DOCK8: variants seen among roughly 807,000 people sequenced by gnomAD.
DOCK8 encodes the protein dedicator of cytokinesis 8.
DOCK8 carries 141 observed loss-of-function variants against 245.6 expected under a neutral mutation model. The ratio of observed to expected loss-of-function variants is 0.57; its 90% confidence interval spans 0.50 to 0.66. DOCK8 has a LOEUF of 0.66. DOCK8 is among the 30% of genes least tolerant of loss of function. DOCK8 has a pLI of 0.00. For synonymous variants in DOCK8, 1,168 were observed against 970.2 expected (o/e 1.20, Z -3.79); for missense variants, 2,965 against 2,603.4 (o/e 1.14, Z -3.02).
intron 6 of DOCK8, 47 bp from the exon 7 acceptor site, chr9:316,996 C>G: frequency 6.9e-7 from 1 of 1,447,192 alleles, no homozygotes; most frequent in Non-Finnish European, 9.7e-7. Context: ...AATTGGAGCT[C>G]CCCACAGAAT....
At chr9:216,096 T>C (rs2046744968) in intron 1 of DOCK8, among the ~76,000 whole-genome samples, 1 of 152,200 alleles carries the variant, frequency 6.6e-6, no homozygotes, top group Non-Finnish European at 1.5e-5. Context: ...TATCGAGCTT[T>C]ATTGACGATT....
At chr9:445,879 G>T (rs992154000) in intron 43 of DOCK8, among the ~76,000 whole-genome samples, 2 of 152,164 alleles carry the variant, frequency 1.3e-5, no homozygotes, top group African/African-American at 2.4e-5. Context: ...ATAAGAGACC[G>T]CCAGCTTCTT....
At chr9:388,393 C>G (rs193025253) in intron 23 of DOCK8, among the ~76,000 whole-genome samples, 1 of 152,322 alleles carries the variant, frequency 6.6e-6, no homozygotes, top group East Asian at 1.9e-4. Flanking sequence ...TTCTCCATTC[C>G]TCACCACTAA....
intron 4 of DOCK8, 129 bp from the exon 5 acceptor site, chr9:304,452 A>G: frequency 8.2e-7 from 1 of 1,218,094 alleles, no homozygotes; most frequent in Non-Finnish European, 1.2e-6. Flanking sequence ...AGGAATTATA[A>G]TTGGTTCCCT....
At chr9:396,729 T>C (rs756237090) in intron 24 of DOCK8, 56 bp from the exon 25 acceptor site, 1 of 1,608,712 alleles carries the variant, frequency 6.2e-7, no homozygotes, top group Non-Finnish European at 8.5e-7. Context: ...CTTTTCTGCA[T>C]TGTACAAGCA....
chr9:423,247 A>G (rs1301345007), intron 33 of DOCK8, among the ~76,000 whole-genome samples: 1 of 152,228 alleles, frequency 6.6e-6, no homozygotes, highest in Non-Finnish European at 1.5e-5. Flanking sequence ...TATGCTATAG[A>G]TGAATAGATA....
At chr9:307,199 G>A (rs779500534) in intron 5 of DOCK8, among the ~76,000 whole-genome samples, 31 of 152,062 alleles carry the variant, frequency 2.0e-4, no homozygotes, top group Admixed American at 1.8e-3. Context: ...TGCTGACCTA[G>A]CATCAAAGAA....
At chr9:263,349 A>C (rs2047964366) in intron 1 of DOCK8, among the ~76,000 whole-genome samples, 1 of 152,134 alleles carries the variant, frequency 6.6e-6, no homozygotes, top group African/African-American at 2.4e-5. Flanking sequence ...TCCTAGTATT[A>C]ATTAGTACTT....
intron 8 of DOCK8, among the ~76,000 whole-genome samples, chr9:327,497 G>A (rs982688302): frequency 1.3e-5 from 2 of 150,640 alleles, no homozygotes; most frequent in East Asian, 2.0e-4. Context: ...GGGTTCAAGT[G>A]ATCCATCCTC....
chr9:235,721 T>G (rs2047228520), intron 1 of DOCK8, among the ~76,000 whole-genome samples: 1 of 152,274 alleles, frequency 6.6e-6, no homozygotes, highest in East Asian at 1.9e-4. Context: ...GGATATAATC[T>G]CCTGGTGTGC....
At chr9:416,429 C>T (rs912247431) in intron 29 of DOCK8, among the ~76,000 whole-genome samples, 2 of 152,252 alleles carry the variant, frequency 1.3e-5, no homozygotes, top group East Asian at 1.9e-4. Flanking sequence ...TAGAATATTC[C>T]GTATCAGTGA....
chr9:396,655 C>G, intron 24 of DOCK8, 130 bp from the exon 25 acceptor site: 1 of 1,307,848 alleles, frequency 7.6e-7, no homozygotes, highest in African/African-American at 1.5e-5. Context: ...TGCTCGGGCA[C>G]CACCAGCACA....
In DOCK8 at chr9:328,570, G is replaced by A. The variant is rs550454673; in HGVS notation, c.1044+399G>A. 2.0e-5 allele frequency among the ~76,000 whole-genome samples: 3 copies of A among 152,280 alleles called. No homozygotes were observed. In the East Asian group the frequency reaches 5.8e-4, roughly 29 times the overall value. ...TTAAGGAGAGTTCCCTCAGTGACCT[G>A]GTGCAAAGAAGCTGCTGTGGAGAAA... On this transcript the variant is annotated intron_variant, in intron 9 of 47. Coordinates refer to ENST00000432829, the MANE Select transcript of DOCK8 (RefSeq NM_203447.4).
chr9:406,077 C>T (rs886473140), intron 27 of DOCK8, among the ~76,000 whole-genome samples: 1 of 152,180 alleles, frequency 6.6e-6, no homozygotes, highest in African/African-American at 2.4e-5. Context: ...ATAAAGTGTG[C>T]TCCCAGGATA....
rs754265479 is a variant in DOCK8, at chr9:441,992, A to C, written c.5473A>C (p.Ile1825Leu). 5 of 1,613,892 alleles carry C rather than the reference A, an allele frequency of 3.1e-6. No individual in the cohort carries two copies. Among genetic ancestry groups the C allele is most frequent in the Non-Finnish European group, 4.2e-6 (5 of 1,180,002 alleles). Residue 1825 changes from isoleucine (I) to leucine (L), a missense_variant, in exon 42 of 48, where the codon ATC (isoleucine) becomes CTC (leucine). Transcript: ENST00000432829. ...KEPAITKLPE[I>L]SHRLEAFYGQ... Reference sequence around the variant, plus strand: ...GCCTGCAATTACCAAGCTTCCTGAGATCTCACATAGACTAGAGGTAAGAAA... The same window carrying C: ...GCCTGCAATTACCAAGCTTCCTGAGCTCTCACATAGACTAGAGGTAAGAAA...
intron 6 of DOCK8, among the ~76,000 whole-genome samples, chr9:316,284 G>C (rs1165150171): frequency 6.6e-6 from 1 of 152,040 alleles, no homozygotes; most frequent in Non-Finnish European, 1.5e-5. Context: ...GGGAATTACT[G>C]TTTTCAAGGA....
In DOCK8 at chr9:399,159, C is replaced by T. The variant is rs755658263; in HGVS notation, c.3134C>T (p.Ala1045Val). The T allele has an allele frequency of 6.3e-5, 102 of 1,613,700 alleles. No homozygotes were observed. The highest frequency in any genetic ancestry group is 1.9e-4 in the African/African-American group (14 of 74,870). Reference sequence around the variant, plus strand: ...TTTGTTTTTAAGGAAAATGAACAGGCGGAAAAGATGAACATCAGCCTGGCT... The same window carrying T: ...TTTGTTTTTAAGGAAAATGAACAGGTGGAAAAGATGAACATCAGCCTGGCT... ...LVKPQKENEQ[A>V]EKMNISLAFF... Residue 1045 changes from alanine to valine, a missense_variant, in exon 26 of 48, where the codon GCG (alanine) becomes GTG (valine). Transcript: ENST00000432829.
intron 4 of DOCK8, among the ~76,000 whole-genome samples, chr9:298,516 A>C (rs2049368334): frequency 2.6e-5 from 4 of 152,164 alleles, no homozygotes; most frequent in Admixed American, 2.0e-4. Flanking sequence ...AAGCTGGGGA[A>C]AATATCTTAG....
chr9:400,105 A>T lies in DOCK8; in HGVS notation c.3234+846A>T, dbSNP rs1488868736. Among the ~76,000 whole-genome samples the T allele has an allele frequency of 9.9e-4, 86 of 87,014 alleles. 1 individual carries two copies. The highest frequency in any genetic ancestry group is 3.1e-3 in the African/African-American group (40 of 12,772). 57.1% of individuals were successfully genotyped at this position (87,014 alleles called of 152,430 possible). ...CACCACCTCCACCATCACCACCACC[A>T]CCTCCACCACCACCAGCATCTTCAC... On this transcript the variant is annotated intron_variant, in intron 26 of 47. Coordinates refer to ENST00000432829, the MANE Select transcript of DOCK8 (RefSeq NM_203447.4).
Sources: allele counts gnomAD v4.1 joint callset (sites outside exome capture counted in the v4.1 genomes callset), GRCh38; gene constraint gnomAD v4.1.1; transcripts MANE v1.5; gene names NCBI Gene and HGNC (gene_info 2026-07-23, HGNC 2026-07-21).